Variants in MOB3B observed in about 807,000 individuals in gnomAD.
The protein encoded by MOB3B is MOB kinase activator 3B, also known as MOB kinase activator-like 2B.
Under a neutral mutation model 18.7 loss-of-function variants are expected in MOB3B, and 7 were observed. The observed-to-expected ratio is 0.37, with a 90% CI of 0.21 to 0.70. The LOEUF (loss-of-function observed/expected upper bound fraction) is 0.70, where lower values mean the gene tolerates loss of function less well. Among genes scored for constraint, MOB3B ranks in the 30% least tolerant of loss-of-function variants. The probability of loss-of-function intolerance (pLI) is 0.52; values close to 1 mark genes in which losing one functional copy is unlikely to be tolerated. For missense variants in MOB3B, 253 were observed against 281.3 expected, an observed-to-expected ratio of 0.90 and a Z score of 0.72; for synonymous variants, 111 against 99.9, an observed-to-expected ratio of 1.11 and a Z score of -0.66.
chr9:27,504,826 G>A (rs561736887), intron 1 of MOB3B, among the ~76,000 whole-genome samples: 56 of 152,344 alleles, frequency 3.7e-4, no homozygotes, highest in Non-Finnish European at 7.5e-4. Context: ...GAGGTCAGGA[G>A]TCTAAAATGG....
intron 3 of MOB3B, among the ~76,000 whole-genome samples, chr9:27,353,436 T>C (rs1254846527): frequency 6.6e-6 from 1 of 152,208 alleles, no homozygotes; most frequent in Non-Finnish European, 1.5e-5. Context: ...TGCACGTGTG[T>C]GTGTGTGGAC....
At chr9:27,448,286 G>T (rs1822725136) in intron 2 of MOB3B, among the ~76,000 whole-genome samples, 1 of 152,114 alleles carries the variant, frequency 6.6e-6, no homozygotes, top group African/African-American at 2.4e-5. Flanking sequence ...GCCTTACAGG[G>T]TTATTTTACA....
chr9:27,341,060 C>G (rs558679161), intron 3 of MOB3B, among the ~76,000 whole-genome samples: 1 of 152,132 alleles, frequency 6.6e-6, no homozygotes, highest in South Asian at 2.1e-4. Flanking sequence ...AGGCTGGATG[C>G]GGGAGGGCAG....
chr9:27,405,876 T>G (rs530531682), intron 2 of MOB3B, among the ~76,000 whole-genome samples: 2 of 152,186 alleles, frequency 1.3e-5, no homozygotes, highest in Non-Finnish European at 2.9e-5. Context: ...AAATTCAACA[T>G]TGATTCATGA....
At chr9:27,412,044 C>G (rs1395936133) in intron 2 of MOB3B, among the ~76,000 whole-genome samples, 1 of 151,972 alleles carries the variant, frequency 6.6e-6, no homozygotes, top group Non-Finnish European at 1.5e-5. Flanking sequence ...TAACCCTGAA[C>G]CATTTATTTA....
At chr9:27,436,853 A>G (rs997139021) in intron 2 of MOB3B, among the ~76,000 whole-genome samples, 1 of 152,100 alleles carries the variant, frequency 6.6e-6, no homozygotes. Flanking sequence ...GAGTCCTCCC[A>G]AAGGAAGGAG....
At chr9:27,443,679 A>G (rs1159422349) in intron 2 of MOB3B, among the ~76,000 whole-genome samples, 3 of 152,182 alleles carry the variant, frequency 2.0e-5, no homozygotes, top group Non-Finnish European at 4.4e-5. Context: ...ACCGTCTTCT[A>G]TTCTCATACA....
intron 2 of MOB3B, among the ~76,000 whole-genome samples, chr9:27,367,523 T>C (rs1374278459): frequency 6.6e-6 from 1 of 152,202 alleles, no homozygotes; most frequent in African/African-American, 2.4e-5. Context: ...TGCTTGCCCT[T>C]AAGCAACTTT....
intron 2 of MOB3B, among the ~76,000 whole-genome samples, chr9:27,441,383 T>C (rs1023784616): frequency 6.6e-6 from 1 of 152,218 alleles, no homozygotes; most frequent in Non-Finnish European, 1.5e-5. Context: ...TTATGGCTTC[T>C]CTTTGGCATA....
intron 2 of MOB3B, among the ~76,000 whole-genome samples, chr9:27,366,904 A>C (rs946732280): frequency 6.6e-6 from 1 of 152,202 alleles, no homozygotes; most frequent in African/African-American, 2.4e-5. Context: ...CATCATCCGC[A>C]GACCCAGCTT....
intron 2 of MOB3B, among the ~76,000 whole-genome samples, chr9:27,380,126 C>T (rs925345871): frequency 1.3e-5 from 2 of 152,196 alleles, no homozygotes; most frequent in African/African-American, 4.8e-5. Flanking sequence ...AATCCTCACC[C>T]ACCACGAGGT....
intron 2 of MOB3B, 116 bp from the exon 3 acceptor site, chr9:27,359,352 C>A: frequency 1.4e-6 from 1 of 711,786 alleles, no homozygotes. Flanking sequence ...GCACCCGTCA[C>A]AGGAGTCATA....
At chr9:27,412,557 C>A (rs1022934928) in intron 2 of MOB3B, among the ~76,000 whole-genome samples, 1 of 152,156 alleles carries the variant, frequency 6.6e-6, no homozygotes, top group East Asian at 1.9e-4. Context: ...TCCCTCCTTC[C>A]CTCCCTCTCC....
chr9:27,470,718 T>C (rs923765214), intron 1 of MOB3B, among the ~76,000 whole-genome samples: 2 of 152,176 alleles, frequency 1.3e-5, no homozygotes, highest in African/African-American at 4.8e-5. Context: ...CTGCCACCTC[T>C]GGTGGAGGTT....
intron 1 of MOB3B, among the ~76,000 whole-genome samples, chr9:27,462,089 G>A (rs1033747387): frequency 6.6e-6 from 1 of 152,160 alleles, no homozygotes; most frequent in Non-Finnish European, 1.5e-5. Context: ...CTTGGGCAGG[G>A]TTGATCCAAT....
chr9:27,407,862 G>GT (rs1051689270), intron 2 of MOB3B, among the ~76,000 whole-genome samples: 66 of 152,220 alleles, frequency 4.3e-4, no homozygotes, highest in African/African-American at 1.4e-3. Flanking sequence ...CTTTCCTTCA[G>GT]TTTTTTCCCC....
At chr9:27,449,084 C>T (rs1302358328) in intron 2 of MOB3B, among the ~76,000 whole-genome samples, 1 of 152,176 alleles carries the variant, frequency 6.6e-6, no homozygotes, top group East Asian at 1.9e-4. Flanking sequence ...GAAGACACTT[C>T]CTAGTAGATG....
chr9:27,459,674 C>A (rs1819248459), intron 1 of MOB3B, among the ~76,000 whole-genome samples: 1 of 151,990 alleles, frequency 6.6e-6, no homozygotes. Context: ...CAGATGGTGA[C>A]AATGACCAGG....
At chr9:27,350,865 G>A (rs1821093944) in intron 3 of MOB3B, among the ~76,000 whole-genome samples, 1 of 148,974 alleles carries the variant, frequency 6.7e-6, no homozygotes, top group Admixed American at 6.7e-5. Flanking sequence ...TTGGCAACAT[G>A]TACACCCCCT....
Sources: allele counts gnomAD v4.1 joint callset (sites outside exome capture counted in the v4.1 genomes callset), GRCh38; gene constraint gnomAD v4.1.1; transcripts MANE v1.5; gene names NCBI Gene and HGNC (gene_info 2026-07-23, HGNC 2026-07-21).